Variants in TCP1 observed in about 807,000 individuals in gnomAD.
TCP1 encodes the protein T-complex protein 1 subunit alpha.
In TCP1, 6 loss-of-function variants were observed where a neutral mutation model predicts 54.7. The ratio of observed to expected loss-of-function variants is 0.11; its 90% CI spans 0.06 to 0.22. TCP1 has a LOEUF of 0.22. TCP1 is among the 10% of genes least tolerant of loss of function. TCP1 has a pLI of 1.00. For missense variants in TCP1, 511 were observed against 678.2 expected, an observed-to-expected ratio of 0.75 and a Z score of 2.74; for synonymous variants, 225 against 229.7, an observed-to-expected ratio of 0.98 and a Z score of 0.19.
chr6:159,780,121 C>T, intron 9 of TCP1, 34 bp from the exon 10 acceptor site: 1 of 1,578,216 alleles, frequency 6.3e-7, no homozygotes, highest in African/African-American at 1.4e-5. Flanking sequence ...CTTGTAATAG[C>T]ATTTTTAAAA....
At position 159,778,798 on chromosome 6, in the gene TCP1, T is replaced by C. The variant is rs867453894; in HGVS notation, c.*247A>G. 1.2e-5 allele frequency: 20 copies of C among 1,614,182 alleles called. No homozygotes were observed. In the Admixed American group the frequency reaches 1.3e-4, roughly 11 times the overall value. ...GCAGCCCTGTGCATTGGGGGTGGGA[T>C]GGGAATAGCAATGTGTGTTCAGAGA... On this transcript the variant is annotated 3_prime_UTR_variant, in exon 12 of 12. Coordinates refer to ENST00000321394, the MANE Select transcript of TCP1 (RefSeq NM_030752.3).
rs1024188939 is a variant in TCP1 at position 159,778,594 on chromosome 6, A to AAGTTTAAGAC, written c.*450_*451insGTCTTAAACT. 3 of 1,539,514 alleles carry AAGTTTAAGAC rather than the reference A, an allele frequency of 1.9e-6. No homozygotes were observed. Among genetic ancestry groups the AAGTTTAAGAC allele is most frequent in the Non-Finnish European group, 2.7e-6 (3 of 1,126,636 alleles). Reference sequence around the variant, plus strand: ...GCTGATACATTAAGAGGAAAAAGACAAGTTTAAGATTTTAAACTGTGTCCA... The same window carrying AAGTTTAAGAC: ...GCTGATACATTAAGAGGAAAAAGACAAGTTTAAGACAGTTTAAGATTTTAAACTGTGTCCA... On this transcript the variant is annotated 3_prime_UTR_variant, in exon 12 of 12. Transcript: ENST00000321394.
chr6:159,780,521 A>C lies in TCP1; in HGVS notation c.1019T>G (p.Phe340Cys). ...TLANLEGEET[F>C]EAAMLGQAEE... Reference sequence around the variant, plus strand: ...TGCCTGTCCCAACATTGCAGCTTCAAAAGTTTCTTCACCTTCCAAATTGGC... The same window carrying C: ...TGCCTGTCCCAACATTGCAGCTTCACAAGTTTCTTCACCTTCCAAATTGGC... The change falls in exon 9 of 12, where the codon TTT becomes TGT. Residue 340 changes from phenylalanine to cysteine, a missense_variant. Physicochemically the swap from Phe to Cys is radical, Grantham distance 205. Around this residue, in one of 5 missense-constraint regions of TCP1, gnomAD observed 305 missense variants for 352.8 expected, o/e 0.86. Transcript: ENST00000321394. The C allele has an allele frequency of 6.2e-7, 1 of 1,614,108 alleles. No homozygotes were observed. The highest frequency in any genetic ancestry group is 1.7e-5 in the Admixed American group (1 of 60,024).
intron 11 of TCP1, 145 bp downstream of exon 11, chr6:159,779,482 G>A: frequency 8.4e-7 from 1 of 1,185,008 alleles, no homozygotes; most frequent in Non-Finnish European, 1.2e-6. Context: ...TACAGTGACT[G>A]AACAACAAAT....
rs1352115890 is a variant in TCP1 at position 159,780,051 on chromosome 6, A to T, written c.1134T>A (p.Arg378=). ...CATCACACATGAAATCATTTGCCCC[A>T]CGTAAGATAATCGATGCAGACGTAC... is the stretch of plus-strand genomic sequence containing the variant. The part of the protein sequence containing the change: ...KARTSASIIL[R]GANDFMCDEM... Residue 378 remains arginine (R), a synonymous_variant, in exon 10 of 12, where the codon CGT becomes CGA. Coordinates refer to ENST00000321394, the MANE Select transcript of TCP1 (RefSeq NM_030752.3). 2.5e-6 allele frequency: 4 copies of T among 1,614,034 alleles called. No homozygotes were observed. The African/African-American group carries it at 5.3e-5, about 22-fold the overall frequency.
chr6:159,784,441 A>G (rs771707555), intron 6 of TCP1, among the ~76,000 whole-genome samples: 2 of 151,958 alleles, frequency 1.3e-5, no homozygotes, highest in Admixed American at 1.3e-4. Flanking sequence ...AGTAGCTGGG[A>G]CTACAGGCAG....
At chr6:159,788,176 TGAG>T (rs1780743286) in intron 1 of TCP1, 33 bp from the exon 2 acceptor site, 1 of 1,600,566 alleles carries the variant, frequency 6.2e-7, no homozygotes, top group South Asian at 1.1e-5. Context: ...AAAAAAGAAA[TGAG>T]GATAAGCCAC....
chr6:159,781,570 C>G (rs989199035), intron 7 of TCP1, among the ~76,000 whole-genome samples: 1 of 152,096 alleles, frequency 6.6e-6, no homozygotes, highest in Non-Finnish European at 1.5e-5. Context: ...GTCAGGAGTT[C>G]GAGACCAACC....
In TCP1 at chr6:159,788,140, A is replaced by G. The variant is rs750987807; in HGVS notation, c.68T>C (p.Met23Thr). 41 of 1,614,014 alleles carry G rather than the reference A, an allele frequency of 2.5e-5. No homozygotes were observed. The highest frequency in any genetic ancestry group is 3.0e-5 in the Non-Finnish European group (35 of 1,179,950). The part of the protein sequence containing the change: ...TGETIRSQNV[M>T]AAASIANIVK... ...AATATTGGCAATCGAAGCTGCAGCCATAACTGTAGACAATCAATTAAAAAT... is the reference window on the plus strand; with the variant it reads ...AATATTGGCAATCGAAGCTGCAGCCGTAACTGTAGACAATCAATTAAAAAT... Residue 23 changes from methionine (M) to threonine (T), a missense_variant, in exon 2 of 12, where the codon ATG (methionine) becomes ACG (threonine). Met to Thr is a moderately conservative substitution (Grantham distance 81). This residue lies in a region of TCP1 where 35 missense variants were observed against 32.7 expected (regional missense o/e 1.07). Transcript: ENST00000321394.
intron 5 of TCP1, 120 bp downstream of exon 5, chr6:159,785,266 C>G (rs1246167405): frequency 1.3e-6 from 1 of 769,782 alleles, no homozygotes; most frequent in Non-Finnish European, 2.2e-6. Context: ...CTCCTGGGTT[C>G]AATTAATACT....
chr6:159,785,610 A>G, intron 4 of TCP1, 114 bp from the exon 5 acceptor site: 2 of 887,264 alleles, frequency 2.3e-6, no homozygotes, highest in Non-Finnish European at 3.8e-6. Context: ...CCGTTCAGCC[A>G]TTTCATATAG....
intron 1 of TCP1, chr6:159,788,912 G>C (rs1309319752): frequency 6.4e-6 from 1 of 157,368 alleles, no homozygotes; most frequent in Non-Finnish European, 1.4e-5. Flanking sequence ...TGTCAACCCG[G>C]ATACGGCTGG....
chr6:159,779,950 C>G lies in TCP1; in HGVS notation c.1235G>C (p.Gly412Ala), dbSNP rs750117703. 3 of 1,614,084 alleles carry G rather than the reference C, an allele frequency of 1.9e-6. No individual in the cohort carries two copies. The highest frequency in any genetic ancestry group is 2.5e-6 in the Non-Finnish European group (3 of 1,180,022). The change falls in exon 10 of 12, where the codon GGG becomes GCG. Residue 412 changes from glycine (G) to alanine (A), a missense_variant. Gly to Ala is a moderately conservative substitution (Grantham distance 60). Coordinates refer to ENST00000321394, the MANE Select transcript of TCP1 (RefSeq NM_030752.3). ...VLESKSVVPG[G>A]GAVEAALSIY... Reference sequence around the variant, plus strand: ...GGAAAGGGCTGCTTCTACAGCACCCCCACCGGGAACCACAGATTTTGACTC... The same window carrying G: ...GGAAAGGGCTGCTTCTACAGCACCCGCACCGGGAACCACAGATTTTGACTC...
At chr6:159,787,452 C>T (rs1479936688) in intron 3 of TCP1, among the ~76,000 whole-genome samples, 1 of 152,130 alleles carries the variant, frequency 6.6e-6, no homozygotes, top group South Asian at 2.1e-4. Flanking sequence ...TGAATACCAA[C>T]ATTTAAAACA....
chr6:159,780,417 T>C lies in TCP1; in HGVS notation c.1097+26A>G, dbSNP rs919301992. 4 of 1,613,338 alleles carry C rather than the reference T, an allele frequency of 2.5e-6. No homozygotes were observed. The African/African-American group carries it at 5.3e-5, about 22-fold the overall frequency. ...TTTACTTAACAAAATCGGTATAACTTTACAATTTTAGAAAGTGGCTCTTAC... is the reference window on the plus strand; with the variant it reads ...TTTACTTAACAAAATCGGTATAACTCTACAATTTTAGAAAGTGGCTCTTAC... On this transcript the variant is annotated intron_variant, in intron 9 of 11. Transcript: ENST00000321394.
At chr6:159,786,789 A>G (rs1178090731) in intron 3 of TCP1, among the ~76,000 whole-genome samples, 1 of 152,222 alleles carries the variant, frequency 6.6e-6, no homozygotes, top group Non-Finnish European at 1.5e-5. Context: ...CTTTCTCACC[A>G]AACAATAGTG....
At chr6:159,789,081 GGTGCGAGGCGTGGCCCGCAC>G (rs1433177717) in intron 1 of TCP1, 2 of 379,370 alleles carry the variant, frequency 5.3e-6, no homozygotes, top group Non-Finnish European at 9.6e-6. Flanking sequence ...AACAAAAGGG[GGTGCGAGGCGTGGCCCGCAC>G]GTGCGAGCCC....
At chr6:159,785,013 A>C (rs1333636127) in intron 5 of TCP1, 166 bp from the exon 6 acceptor site, 2 of 709,066 alleles carry the variant, frequency 2.8e-6, no homozygotes, top group Non-Finnish European at 4.8e-6. Flanking sequence ...TCTGCAATTC[A>C]TATCACTTTT....
At chr6:159,789,231 G>T in intron 1 of TCP1, 174 bp downstream of exon 1, 1 of 662,986 alleles carries the variant, frequency 1.5e-6, no homozygotes, top group Admixed American at 3.0e-5. Flanking sequence ...TGTGGGAAAA[G>T]TGGGGCCACA....
Sources: allele counts gnomAD v4.1 joint callset (sites outside exome capture counted in the v4.1 genomes callset), GRCh38; gene constraint gnomAD v4.1.1; regional missense constraint gnomAD v4.1.1; transcripts MANE v1.5; gene names NCBI Gene and HGNC (gene_info 2026-07-23, HGNC 2026-07-21).